IL9R: variants seen among roughly 807,000 people sequenced by gnomAD.
IL9R encodes the protein interleukin 9 receptor.
In IL9R, 54 loss-of-function variants were observed where a neutral mutation model predicts 56.3. That is an observed-to-expected ratio of 0.96 (90% CI 0.77 to 1.20). The LOEUF (loss-of-function observed/expected upper bound fraction) is 1.20. Among genes scored for constraint, IL9R ranks in the 50% most tolerant of loss-of-function variants. The pLI, the probability that IL9R is intolerant of heterozygous loss-of-function variation, is 0.00. For synonymous variants in IL9R, 212 were observed against 250.2 expected (o/e 0.85, Z 1.44); for missense variants, 545 against 629.8 (o/e 0.87, Z 1.44).
chrX:156,000,029 G>C (rs975838582), intron 1 of IL9R, among the ~76,000 whole-genome samples: 9 of 151,930 alleles, frequency 5.9e-5, no homozygotes, highest in African/African-American at 2.2e-4. Flanking sequence ...CCAGCTACTT[G>C]GGAGGCTGAA....
intron 1 of IL9R, 129 bp from the exon 2 acceptor site, chrX:156,002,777 G>C: frequency 7.5e-7 from 1 of 1,324,778 alleles, no homozygotes; most frequent in Non-Finnish European, 1.1e-6. Flanking sequence ...CTGTGTGAGT[G>C]TTAGGACACA....
chrX:155,997,724 A>G lies in IL9R; in HGVS notation c.-36A>G. ...GTGCACCCAGAGATAGTTGGGTGAC[A>G]AATCACCTCCAGGTTGGGGATGCCT... On this transcript the variant is annotated 5_prime_UTR_variant, in exon 1 of 9. Coordinates refer to ENST00000244174, the MANE Select transcript of IL9R (RefSeq NM_002186.3). 6.2e-7 allele frequency: 1 copy of G among 1,611,422 alleles called. No homozygotes were observed. The highest frequency in any genetic ancestry group is 2.2e-5 in the East Asian group (1 of 44,866).
chrX:156,001,648 T>C, intron 1 of IL9R: 1 of 673,304 alleles, frequency 1.5e-6, no homozygotes, highest in East Asian at 2.6e-5. Context: ...TGTAAGTCTG[T>C]GTGCGTGTCT....
At chrX:156,007,020 G>T (rs1325690561) in intron 7 of IL9R, among the ~76,000 whole-genome samples, 1 of 151,680 alleles carries the variant, frequency 6.6e-6, no homozygotes, top group African/African-American at 2.4e-5. Context: ...AGATATGAGT[G>T]GTGACCCCTG....
At chrX:156,008,891 TTATG>T (rs2068187084) in intron 8 of IL9R, among the ~76,000 whole-genome samples, 2 of 137,872 alleles carry the variant, frequency 1.5e-5, no homozygotes, top group African/African-American at 2.7e-5. Flanking sequence ...GTGTGTGTGT[TTATG>T]TGTCTGTGTG....
intron 2 of IL9R, 100 bp from the exon 3 acceptor site, chrX:156,003,349 C>A: frequency 2.4e-6 from 2 of 837,818 alleles, no homozygotes; most frequent in Non-Finnish European, 2.0e-6. Context: ...TTACTGGTGA[C>A]TGCCCTGCTA....
chrX:155,999,767 C>T (rs1238615009), intron 1 of IL9R, among the ~76,000 whole-genome samples: 1 of 152,146 alleles, frequency 6.6e-6, no homozygotes, highest in Non-Finnish European at 1.5e-5. Flanking sequence ...TCAATAGTAA[C>T]TTCTGAGGCT....
At position 156,004,382 on chromosome X, in the gene IL9R, A is replaced by G. The variant is rs367575162; in HGVS notation, c.434-38A>G. 84 of 1,612,376 alleles carry G rather than the reference A, an allele frequency of 5.2e-5. No homozygotes were observed. The African/African-American group carries it at 9.2e-4, about 18-fold the overall frequency. On this transcript the variant is annotated intron_variant, in intron 4 of 8. Transcript: ENST00000244174. The stretch of plus-strand genomic sequence containing the variant: ...TGTTCTGACTGACACACCCAGACCC[A>G]TGGGGCTTCAGCCTCACATGGATTC...
intron 1 of IL9R, among the ~76,000 whole-genome samples, chrX:155,998,687 C>A (rs1032215265): frequency 6.6e-6 from 1 of 152,054 alleles, no homozygotes; most frequent in Non-Finnish European, 1.5e-5. Flanking sequence ...ACATGAACAC[C>A]GTCCAGAAGC....
chrX:156,009,352 C>CGTGT (rs1278501905), intron 8 of IL9R, among the ~76,000 whole-genome samples: 95 of 89,386 alleles, frequency 1.1e-3, no homozygotes, highest in Non-Finnish European at 1.7e-3. Flanking sequence ...GTGTGTGTCT[C>CGTGT]GTGTGTGTGT....
chrX:155,998,022 G>T (rs183226430), intron 1 of IL9R, among the ~76,000 whole-genome samples: 1 of 152,260 alleles, frequency 6.6e-6, no homozygotes, highest in East Asian at 1.9e-4. Flanking sequence ...GGGGTCATGG[G>T]TTCTGCTGTG....
At chrX:156,011,459 T>C (rs1259558678), downstream of IL9R, among the ~76,000 whole-genome samples, 1 of 102,082 alleles carries the variant, frequency 9.8e-6, no homozygotes, top group Admixed American at 8.6e-5. Context: ...AGAGAGACGG[T>C]GCAGGAGGAA....
chrX:156,006,105 G>T lies in IL9R; in HGVS notation c.804G>T (p.Gly268=), dbSNP rs1333000495. 1 of 1,600,456 alleles carries T rather than the reference G, an allele frequency of 6.2e-7. No individual in the cohort carries two copies. The highest frequency in any genetic ancestry group is 8.5e-7 in the Non-Finnish European group (1 of 1,169,676). Reference sequence around the variant, plus strand: ...CAGGCCCTCTGATCCCACCCTGGGGGTGGCCAGGCAACACCCTTGTTGCTG... The same window carrying T: ...CAGGCCCTCTGATCCCACCCTGGGGTTGGCCAGGCAACACCCTTGTTGCTG... The part of the protein sequence containing the change: ...QRQGPLIPPW[G]WPGNTLVAVS... Residue 268 remains glycine, a synonymous_variant, in exon 7 of 9, where the codon GGG becomes GGT. Coordinates refer to ENST00000244174, the MANE Select transcript of IL9R (RefSeq NM_002186.3).
chrX:156,009,293 TGTTTATGTG>T (rs2068306332), intron 8 of IL9R, among the ~76,000 whole-genome samples: 1 of 148,444 alleles, frequency 6.7e-6, no homozygotes, highest in Non-Finnish European at 1.5e-5. Flanking sequence ...TGTGTGTGTG[TGTTTATGTG>T]TGTGTGTCTG....
rs1351885108 is a variant in IL9R at position 156,003,851 on chromosome X, A to G, written c.429A>G (p.Arg143=). 1.2e-6 allele frequency: 2 copies of G among 1,613,872 alleles called. No homozygotes were observed. The highest frequency in any genetic ancestry group is 2.2e-5 in the South Asian group (2 of 91,054). Residue 143 remains arginine, a synonymous_variant, in exon 4 of 9, where the codon AGA becomes AGG. Transcript: ENST00000244174. ...SLVDPEYLPR[R]HVKLDPPSDL... is the part of the protein sequence containing the mutation. ...TGGACCCGGAGTACCTGCCCCGGAG[A>G]CACGGTGAGCAGCAGCTATAGGTCT...
chrX:156,006,912 C>T lies in IL9R; in HGVS notation c.888-611C>T, dbSNP rs745371866. 3.7e-3 allele frequency among the ~76,000 whole-genome samples: 559 copies of T among 149,698 alleles called. 7 individuals carry two copies. The highest frequency in any genetic ancestry group is 0.012 in the African/African-American group (493 of 40,532). On this transcript the variant is annotated intron_variant, in intron 7 of 8. Transcript: ENST00000244174. ...GGCCAGTGAGGTGCCCACAGGGAGA[C>T]GATTTGGCATGAGCCAGTGAAAGAA...
rs769143832 is a variant in IL9R, at chrX:156,002,971, A to G, written c.94A>G (p.Ile32Val). 2 of 1,613,880 alleles carry G rather than the reference A, an allele frequency of 1.2e-6. No homozygotes were observed. Among genetic ancestry groups the G allele is most frequent in the Admixed American group, 3.3e-5 (2 of 60,012 alleles). The change falls in exon 2 of 9, where the codon ATC (isoleucine) becomes GTC (valine). Residue 32 changes from isoleucine to valine, a missense_variant. Ile to Val is a conservative substitution (Grantham distance 29, BLOSUM62 3). Transcript: ENST00000244174. ...CACCTGGCTCCTGGCCTGCATCTGC[A>G]TCTGCACCTGTGTCTGCTTGGGAGT... is the stretch of plus-strand genomic sequence containing the variant. Reference protein sequence around the residue: ...MGTWLLACICICTCVCLGVSV... With the variant: ...MGTWLLACICVCTCVCLGVSV...
intron 1 of IL9R, among the ~76,000 whole-genome samples, chrX:156,000,061 G>T (rs780746420): frequency 2.0e-5 from 3 of 151,704 alleles, no homozygotes; most frequent in Non-Finnish European, 2.9e-5. Flanking sequence ...ACTTGAACTC[G>T]GGAGGCAGAG....
chrX:156,007,394 G>C (rs1308419845), intron 7 of IL9R, 129 bp from the exon 8 acceptor site: 1 of 709,222 alleles, frequency 1.4e-6, no homozygotes, highest in Non-Finnish European at 2.6e-6. Flanking sequence ...AATGTGATGA[G>C]ATGGGAGAGA....
Sources: allele counts gnomAD v4.1 joint callset (sites outside exome capture counted in the v4.1 genomes callset), GRCh38; gene constraint gnomAD v4.1.1; transcripts MANE v1.5; gene names NCBI Gene and HGNC (gene_info 2026-07-23, HGNC 2026-07-21).